Variants in KPNA1 observed in about 807,000 individuals in gnomAD.
KPNA1 encodes the protein karyopherin subunit alpha 1.
In KPNA1, 10 loss-of-function variants were observed where a neutral mutation model predicts 70.5. The ratio of observed to expected loss-of-function variants is 0.14; its 90% CI spans 0.09 to 0.24. The LOEUF is 0.24. KPNA1 is among the 10% of genes least tolerant of loss of function. The pLI, the probability that KPNA1 is intolerant of heterozygous loss-of-function variation, is 1.00. For missense variants in KPNA1, 397 were observed against 637.9 expected (o/e 0.62, Z 4.07); for synonymous variants, 192 against 221.9 (o/e 0.87, Z 1.20).
intron 2 of KPNA1, among the ~76,000 whole-genome samples, chr3:122,471,025 T>C (rs557759903): frequency 6.6e-6 from 1 of 152,308 alleles, no homozygotes; most frequent in South Asian, 2.1e-4. Flanking sequence ...ATATATCATC[T>C]TCCATCATTG....
chr3:122,502,665 A>G (rs2076842100), intron 1 of KPNA1, among the ~76,000 whole-genome samples: 1 of 152,236 alleles, frequency 6.6e-6, no homozygotes, highest in Non-Finnish European at 1.5e-5. Context: ...AGGTGGGTGT[A>G]ATACGGATGA....
intron 12 of KPNA1, among the ~76,000 whole-genome samples, chr3:122,431,818 T>TG (rs1194828315): frequency 2.6e-4 from 39 of 151,682 alleles, no homozygotes; most frequent in African/African-American, 9.2e-4. Flanking sequence ...TTTTTTTTTT[T>TG]GTTGAAATGG....
chr3:122,502,561 T>A (rs1199569678), intron 1 of KPNA1, among the ~76,000 whole-genome samples: 1 of 152,196 alleles, frequency 6.6e-6, no homozygotes, highest in African/African-American at 2.4e-5. Flanking sequence ...AATTTCTGCT[T>A]AAGCCACACA....
At chr3:122,461,654 C>T (rs1223046393) in intron 4 of KPNA1, among the ~76,000 whole-genome samples, 2 of 152,170 alleles carry the variant, frequency 1.3e-5, no homozygotes, top group Non-Finnish European at 2.9e-5. Context: ...TTCCTTCTAG[C>T]CTGTTTCCTG....
intron 6 of KPNA1, 58 bp downstream of exon 6, chr3:122,453,812 G>A (rs1576302707): frequency 6.5e-7 from 1 of 1,544,564 alleles, no homozygotes; most frequent in East Asian, 2.3e-5. Flanking sequence ...TTACAGGAGT[G>A]AGCGACATGC....
intron 5 of KPNA1, among the ~76,000 whole-genome samples, chr3:122,458,359 C>A (rs2076286949): frequency 6.6e-6 from 1 of 152,184 alleles, no homozygotes; most frequent in Non-Finnish European, 1.5e-5. Flanking sequence ...CCATTGTCTG[C>A]TTCCAAAATC....
rs1424642640 is a variant in KPNA1, at chr3:122,427,061, G to A, written c.1541C>T (p.Ala514Val). The change falls in exon 14 of 14, where the codon GCA (alanine) becomes GTA (valine). Residue 514 changes from alanine to valine, a missense_variant. Physicochemically the swap from Ala to Val is moderately conservative, Grantham distance 64. Transcript: ENST00000344337. ...CTGCTGGTTAAGGTCAACCTGGGGT[G>A]CAATGCTGCTGTCTTCATCTTCGGT... ...FGTEDEDSSI[A>V]PQVDLNQQQY... The A allele has an allele frequency of 1.9e-6, 3 of 1,613,996 alleles. No individual in the cohort carries two copies. Among genetic ancestry groups the A allele is most frequent in the Admixed American group, 3.3e-5 (2 of 60,000 alleles).
intron 11 of KPNA1, among the ~76,000 whole-genome samples, chr3:122,436,512 T>C (rs1450081418): frequency 6.6e-6 from 1 of 152,224 alleles, no homozygotes; most frequent in Non-Finnish European, 1.5e-5. Flanking sequence ...AAAATTTCTC[T>C]TGTACTCTTT....
intron 11 of KPNA1, 87 bp from the exon 12 acceptor site, chr3:122,433,875 G>A (rs1350301349): frequency 1.0e-6 from 1 of 978,248 alleles, no homozygotes; most frequent in Admixed American, 2.7e-5. Context: ...AAGCTAGTTT[G>A]ACTATTAACA....
chr3:122,500,883 T>C (rs1328645720), intron 1 of KPNA1, among the ~76,000 whole-genome samples: 1 of 151,866 alleles, frequency 6.6e-6, no homozygotes, highest in Non-Finnish European at 1.5e-5. Context: ...TCTATTGTTT[T>C]CCTATTCTCT....
intron 1 of KPNA1, among the ~76,000 whole-genome samples, chr3:122,506,980 T>G (rs985111512): frequency 6.6e-6 from 1 of 152,146 alleles, no homozygotes; most frequent in Non-Finnish European, 1.5e-5. Context: ...ATTATTCTAG[T>G]GAAAAATTGT....
At chr3:122,510,995 A>G (rs907948977) in intron 1 of KPNA1, among the ~76,000 whole-genome samples, 4 of 152,192 alleles carry the variant, frequency 2.6e-5, no homozygotes, top group African/African-American at 4.8e-5. Flanking sequence ...TTAACGATCA[A>G]TGTGAACACA....
At chr3:122,478,696 C>A (rs531082530) in intron 2 of KPNA1, among the ~76,000 whole-genome samples, 219 of 150,608 alleles carry the variant, frequency 1.5e-3, no homozygotes, top group Admixed American at 3.0e-3. Flanking sequence ...CCACTGCACT[C>A]CAGCCTCGGC....
chr3:122,501,615 G>C (rs1010513315), intron 1 of KPNA1, among the ~76,000 whole-genome samples: 1 of 152,104 alleles, frequency 6.6e-6, no homozygotes, highest in African/African-American at 2.4e-5. Flanking sequence ...TTGTAGCCCA[G>C]CAAAATGCAC....
At chr3:122,506,862 T>G in intron 1 of KPNA1, among the ~76,000 whole-genome samples, 1 of 152,220 alleles carries the variant, frequency 6.6e-6, no homozygotes, top group Non-Finnish European at 1.5e-5. Context: ...GGAAAATATC[T>G]GTCAAGGATC....
At chr3:122,491,742 T>C (rs1180361736) in intron 2 of KPNA1, among the ~76,000 whole-genome samples, 2 of 150,204 alleles carry the variant, frequency 1.3e-5, no homozygotes, top group African/African-American at 2.4e-5. Flanking sequence ...ATAGAGGTCA[T>C]ACAGAATAAG....
chr3:122,514,296 G>A (rs2076990740), intron 1 of KPNA1, among the ~76,000 whole-genome samples: 1 of 151,698 alleles, frequency 6.6e-6, no homozygotes, highest in Admixed American at 6.6e-5. Flanking sequence ...GTCCCTTTTT[G>A]CCAGGGTTAG....
intron 6 of KPNA1, among the ~76,000 whole-genome samples, chr3:122,453,535 T>G (rs888977698): frequency 1.3e-5 from 2 of 152,066 alleles, no homozygotes; most frequent in African/African-American, 4.8e-5. Flanking sequence ...TTTCTTTTTT[T>G]GTTTGTTTTG....
In KPNA1 at chr3:122,453,873, T is replaced by C. The variant is rs1490761458; in HGVS notation, c.561A>G (p.Glu187=). Reference sequence around the variant, plus strand: ...CTTCTTTTTGTTTCATTTTTACCTGTTCCTGGACATCTTCAAACTCTGAGC... The same window carrying C: ...CTTCTTTTTGTTTCATTTTTACCTGCTCCTGGACATCTTCAAACTCTGAGC... The part of the protein sequence containing the change: ...LLSSEFEDVQ[E]QAVWALGNIA... Residue 187 remains glutamate, a synonymous_variant, in exon 6 of 14, where the codon GAA becomes GAG. Coordinates refer to ENST00000344337, the MANE Select transcript of KPNA1 (RefSeq NM_002264.4). The C allele has an allele frequency of 1.2e-6, 2 of 1,600,786 alleles. No individual in the cohort carries two copies. The highest frequency in any genetic ancestry group is 1.7e-6 in the Non-Finnish European group (2 of 1,175,592).
Sources: allele counts gnomAD v4.1 joint callset (sites outside exome capture counted in the v4.1 genomes callset), GRCh38; gene constraint gnomAD v4.1.1; transcripts MANE v1.5; gene names NCBI Gene and HGNC (gene_info 2026-07-23, HGNC 2026-07-21).